The following POC1A variants were observed in gnomAD, a reference collection of about 807,000 sequenced individuals.
POC1A encodes the protein POC1 centriolar protein A.
A neutral mutation model predicts 47.8 loss-of-function variants in POC1A; 34 were observed. That is an observed-to-expected ratio of 0.71 (90% confidence interval 0.54 to 0.95). The LOEUF (loss-of-function observed/expected upper bound fraction) is 0.95. Ranked by LOEUF, POC1A falls within the 40% of genes least tolerant of loss-of-function variation. POC1A has a pLI of 0.00. For missense variants in POC1A, 466 were observed against 528.3 expected, an observed-to-expected ratio of 0.88 and a Z score of 1.16; for synonymous variants, 177 against 207.6, an observed-to-expected ratio of 0.85 and a Z score of 1.27.
At chr3:52,101,854 G>A (rs1213065921) in intron 9 of POC1A, among the ~76,000 whole-genome samples, 2 of 151,908 alleles carry the variant, frequency 1.3e-5, no homozygotes, top group Non-Finnish European at 2.9e-5. Flanking sequence ...TTTTCTGGAG[G>A]GGAAAAAAAG....
intron 6 of POC1A, among the ~76,000 whole-genome samples, chr3:52,143,686 C>T (rs934547056): frequency 6.6e-6 from 1 of 152,206 alleles, no homozygotes; most frequent in South Asian, 2.1e-4. Context: ...CACTCTGATG[C>T]CAGCCCCTAC....
intron 9 of POC1A, among the ~76,000 whole-genome samples, chr3:52,112,583 A>G (rs1703423132): frequency 6.6e-6 from 1 of 152,196 alleles, no homozygotes; most frequent in South Asian, 2.1e-4. Flanking sequence ...CAGAGGTTGC[A>G]GTGAGCCGAG....
chr3:52,078,878 C>T (rs990204898), intron 10 of POC1A, among the ~76,000 whole-genome samples: 2 of 152,256 alleles, frequency 1.3e-5, no homozygotes, highest in African/African-American at 4.8e-5. Context: ...GATGGAAATG[C>T]CCCACTGGGC....
At chr3:52,113,472 G>A (rs941779710) in intron 9 of POC1A, among the ~76,000 whole-genome samples, 2 of 152,260 alleles carry the variant, frequency 1.3e-5, no homozygotes, top group Admixed American at 1.3e-4. Context: ...GTAGGCCAAG[G>A]TGGGTGGATC....
At position 52,149,925 on chromosome 3, in the gene POC1A, G is replaced by A. The variant is rs150046126; in HGVS notation, c.166C>T (p.Arg56Cys). The A allele has an allele frequency of 3.2e-5, 51 of 1,613,898 alleles. No homozygotes were observed. In the African/African-American group the frequency reaches 3.6e-4, roughly 11 times the overall value. ...WHMKPQSRAY[R>C]FTGHKDAVTC... is the part of the protein sequence containing the mutation. ...ACGGCATCCTTGTGGCCAGTGAAGC[G>A]GTAGGCGCGTGACTGCGGCTTCATG... Residue 56 changes from arginine to cysteine, a missense_variant, in exon 3 of 11, where the codon CGC becomes TGC. Physicochemically the swap from Arg to Cys is radical, Grantham distance 180. Coordinates refer to ENST00000296484, the MANE Select transcript of POC1A (RefSeq NM_015426.5).
At chr3:52,146,521 C>T (rs1297544181) in intron 5 of POC1A, among the ~76,000 whole-genome samples, 1 of 152,236 alleles carries the variant, frequency 6.6e-6, no homozygotes, top group African/African-American at 2.4e-5. Flanking sequence ...AATGTAGGCA[C>T]CTCTCTCTCC....
intron 9 of POC1A, among the ~76,000 whole-genome samples, chr3:52,104,945 T>C (rs1703124726): frequency 6.6e-6 from 1 of 152,228 alleles, no homozygotes; most frequent in Non-Finnish European, 1.5e-5. Flanking sequence ...ACACCCCTCT[T>C]AGGGGTTGAA....
chr3:52,140,538 G>C (rs1452637242), intron 6 of POC1A, among the ~76,000 whole-genome samples: 2 of 152,192 alleles, frequency 1.3e-5, no homozygotes, highest in African/African-American at 4.8e-5. Flanking sequence ...CACACCAGGG[G>C]CCCCCACCTG....
At chr3:52,127,644 C>T (rs1286627597) in intron 7 of POC1A, among the ~76,000 whole-genome samples, 9 of 151,742 alleles carry the variant, frequency 5.9e-5, no homozygotes, top group South Asian at 4.2e-4. Context: ...CTGCCCGTCT[C>T]GGCCTCCCAA....
Position 52,119,078 on chromosome 3 carries a change from G to A in POC1A, c.981+3301C>T, listed in dbSNP as rs1222497936. On this transcript the variant is annotated intron_variant, in intron 9 of 10. Transcript: ENST00000296484. ...ATGAGATTCCTACAAAATGACTTCT[G>A]TTAGAAACCCAGGCTGAGACACCTG... 2.0e-5 allele frequency among the ~76,000 whole-genome samples: 3 copies of A among 150,422 alleles called. No homozygotes were observed. The East Asian group carries it at 5.9e-4, about 29-fold the overall frequency.
In POC1A at chr3:52,142,000, T is replaced by A. The variant is rs375448398; in HGVS notation, c.680-3698A>T. On this transcript the variant is annotated intron_variant, in intron 6 of 10. Transcript: ENST00000296484. ...TCTCCCAGGGAGCCTGAAGAGTAAA[T>A]GACTAGAGTCACCGAAGTGCAAGGA... Among the ~76,000 whole-genome samples the A allele has an allele frequency of 2.4e-4, 36 of 152,214 alleles. 1 individual carries two copies. Among genetic ancestry groups the A allele is most frequent in the African/African-American group, 8.7e-4 (36 of 41,522 alleles).
At chr3:52,124,062 C>T (rs760316077) in intron 8 of POC1A, among the ~76,000 whole-genome samples, 2 of 152,188 alleles carry the variant, frequency 1.3e-5, no homozygotes, top group Non-Finnish European at 2.9e-5. Flanking sequence ...GAGACTCAAC[C>T]AAAATTGGTA....
intron 7 of POC1A, among the ~76,000 whole-genome samples, chr3:52,135,584 G>A (rs188047571): frequency 2.0e-5 from 3 of 152,160 alleles, no homozygotes; most frequent in South Asian, 4.1e-4. Flanking sequence ...CCAAATCCAG[G>A]GGCAGAGCTA....
At chr3:52,120,373 T>C (rs1220670818) in intron 9 of POC1A, among the ~76,000 whole-genome samples, 1 of 152,196 alleles carries the variant, frequency 6.6e-6, no homozygotes, top group Admixed American at 6.5e-5. Context: ...GGCATGTGTG[T>C]GTCAGTGAAA....
chr3:52,130,407 C>CT (rs1704168615), intron 7 of POC1A, among the ~76,000 whole-genome samples: 1 of 152,208 alleles, frequency 6.6e-6, no homozygotes, highest in African/African-American at 2.4e-5. Flanking sequence ...CCAGGGTCTG[C>CT]TGTGAACTGG....
At chr3:52,076,951 G>A (rs994957139) in intron 10 of POC1A, among the ~76,000 whole-genome samples, 1 of 152,276 alleles carries the variant, frequency 6.6e-6, no homozygotes, top group Admixed American at 6.5e-5. Flanking sequence ...TCCTCCTCTG[G>A]CTTTGGATAG....
chr3:52,149,453 A>T, intron 3 of POC1A, 64 bp from the exon 4 acceptor site: 1 of 1,478,986 alleles, frequency 6.8e-7, no homozygotes. Flanking sequence ...CCACAAGCAC[A>T]TCAAAGCTCT....
At chr3:52,151,543 G>A (rs776153855) in intron 1 of POC1A, among the ~76,000 whole-genome samples, 6 of 151,432 alleles carry the variant, frequency 4.0e-5, no homozygotes, top group Non-Finnish European at 8.8e-5. Flanking sequence ...CCCAGGAGGC[G>A]GAGCTTGCAG....
At chr3:52,131,587 G>C (rs1704212296) in intron 7 of POC1A, among the ~76,000 whole-genome samples, 1 of 152,190 alleles carries the variant, frequency 6.6e-6, no homozygotes, top group Admixed American at 6.5e-5. Context: ...AGGCCCTTGA[G>C]ATGACTGGAA....
Sources: gnomAD v4.1 joint callset for allele counts (sites outside exome capture counted in the v4.1 genomes callset) on GRCh38, gnomAD v4.1.1 for gene constraint, MANE v1.5 for transcripts, NCBI Gene and HGNC (gene_info 2026-07-23, HGNC 2026-07-21) for gene names.